CTNND1: variants seen among roughly 807,000 people sequenced by gnomAD.
CTNND1 encodes the protein catenin delta-1.
A neutral mutation model predicts 112.1 loss-of-function variants in CTNND1; 16 were observed. That is an observed-to-expected ratio of 0.14 (90% confidence interval 0.10 to 0.22). The LOEUF is 0.22. Ranked by LOEUF, CTNND1 falls within the 10% of genes least tolerant of loss-of-function variation. CTNND1 has a pLI of 1.00. For missense variants in CTNND1, 1,008 were observed against 1,257.0 expected, an observed-to-expected ratio of 0.80 and a Z score of 3.00; for synonymous variants, 420 against 446.5, an observed-to-expected ratio of 0.94 and a Z score of 0.75.
intron 2 of CTNND1, among the ~76,000 whole-genome samples, 175 bp downstream of exon 2, chr11:57,789,330 C>T (rs2060447672): frequency 6.6e-6 from 1 of 152,098 alleles, no homozygotes; most frequent in African/African-American, 2.4e-5. Context: ...TGTCTTTCAA[C>T]ATTGTATATT....
intron 12 of CTNND1, among the ~76,000 whole-genome samples, 158 bp downstream of exon 12, chr11:57,807,141 T>C (rs557031881): frequency 1.3e-5 from 2 of 152,322 alleles, no homozygotes; most frequent in East Asian, 3.9e-4. Context: ...AGCTGCATAG[T>C]ATTATAGCAG....
Position 57,785,390 on chromosome 11 carries a change from A to G in CTNND1, c.-213-3647A>G, listed in dbSNP as rs1175004447. 3.9e-5 allele frequency among the ~76,000 whole-genome samples: 6 copies of G among 152,250 alleles called. 1 individual carries two copies. The highest frequency in any genetic ancestry group is 8.8e-5 in the Non-Finnish European group (6 of 68,048). On this transcript the variant is annotated intron_variant, in intron 1 of 20. Transcript: ENST00000399050. The stretch of plus-strand genomic sequence containing the variant: ...AGTGGTTGATACTTTGCCCAAAGTC[A>G]TATAGCTAATAAGGATAGATCTTAT...
rs758621939 is a variant in CTNND1 at position 57,816,237 on chromosome 11, G to T, written c.2896-60G>T. On this transcript the variant is annotated intron_variant, in intron 20 of 20. Coordinates refer to ENST00000399050, the MANE Select transcript of CTNND1 (RefSeq NM_001085458.2). ...TCTCCAGATTTGCTCAACTTTTTTG[G>T]GGGGGGTCTCCTTAATCCCAACCCC... The T allele has an allele frequency of 6.9e-6, 11 of 1,599,006 alleles. No homozygotes were observed. In the East Asian group the frequency reaches 1.1e-4, roughly 16 times the overall value.
At chr11:57,770,230 T>C (rs1952219057) in intron 1 of CTNND1, among the ~76,000 whole-genome samples, 1 of 151,770 alleles carries the variant, frequency 6.6e-6, no homozygotes, top group African/African-American at 2.4e-5. Context: ...CTCGGGAAGC[T>C]GAGGCAGGAG....
At chr11:57,803,947 TC>T (rs1179255350) in intron 8 of CTNND1, 143 bp downstream of exon 8, 5 of 584,084 alleles carry the variant, frequency 8.6e-6, no homozygotes. Context: ...CTCCAACCTT[TC>T]TATCTTTGTT....
chr11:57,763,601 G>A (rs1398448112), intron 1 of CTNND1, among the ~76,000 whole-genome samples: 1 of 152,146 alleles, frequency 6.6e-6, no homozygotes, highest in African/African-American at 2.4e-5. Context: ...ATTATAACAA[G>A]TACAGTTAAA....
At chr11:57,807,115 T>A in intron 12 of CTNND1, 132 bp downstream of exon 12, 1 of 776,070 alleles carries the variant, frequency 1.3e-6, no homozygotes. Context: ...TTGAAATGAT[T>A]GTGAAAGTAT....
At position 57,817,358 on chromosome 11, in the gene CTNND1, G is replaced by GC. The variant is rs1451203196; in HGVS notation, c.*1054dup. On this transcript the variant is annotated 3_prime_UTR_variant, in exon 21 of 21. Transcript: ENST00000399050. ...CCTTTTCCCTTACAAGGTGGGGATT[G>GC]CCCCTGGCTTTGCCTCTTCTTTGTG... is the stretch of plus-strand genomic sequence containing the variant. The GC allele has an allele frequency of 8.5e-5, 13 of 152,734 alleles. No individual in the cohort carries two copies. Among genetic ancestry groups the GC allele is most frequent in the African/African-American group, 2.7e-4 (11 of 41,432 alleles). 9.5% of individuals were successfully genotyped at this position (152,734 alleles called of 1,614,324 possible).
chr11:57,806,178 G>A (rs971158956), intron 10 of CTNND1, 143 bp downstream of exon 10: 14 of 1,172,644 alleles, frequency 1.2e-5, no homozygotes, highest in Non-Finnish European at 1.5e-5. Flanking sequence ...CTTTCCCTGT[G>A]TTGTGTGCTT....
intron 1 of CTNND1, among the ~76,000 whole-genome samples, chr11:57,770,660 TA>T (rs2136041854): frequency 6.7e-6 from 1 of 150,024 alleles, no homozygotes; most frequent in Admixed American, 6.6e-5. Flanking sequence ...TCAAAAAAAA[TA>T]AAAAAATAAA....
At chr11:57,793,453 TA>T (rs1339109566) in intron 3 of CTNND1, among the ~76,000 whole-genome samples, 1 of 152,194 alleles carries the variant, frequency 6.6e-6, no homozygotes, top group African/African-American at 2.4e-5. Flanking sequence ...TTTCTTTAAT[TA>T]AATTTCTGTT....
intron 1 of CTNND1, among the ~76,000 whole-genome samples, chr11:57,783,101 C>T (rs1303649997): frequency 1.3e-5 from 2 of 151,970 alleles, no homozygotes; most frequent in South Asian, 2.1e-4. Flanking sequence ...GCCTGGCCAA[C>T]GTGGTGAAAC....
At chr11:57,795,777 T>A in intron 5 of CTNND1, 48 bp downstream of exon 5, 2 of 1,506,782 alleles carry the variant, frequency 1.3e-6, no homozygotes, top group Non-Finnish European at 8.8e-7. Context: ...AGGTCTTTTC[T>A]TCTCTATTAG....
chr11:57,802,323 C>A, intron 7 of CTNND1, 127 bp downstream of exon 7: 1 of 799,414 alleles, frequency 1.3e-6, no homozygotes, highest in Non-Finnish European at 2.0e-6. Context: ...GGGTCAAATC[C>A]ATCTCACAGA....
At chr11:57,772,203 A>T (rs575409698) in intron 1 of CTNND1, among the ~76,000 whole-genome samples, 22 of 149,462 alleles carry the variant, frequency 1.5e-4, no homozygotes, top group African/African-American at 4.9e-4. Context: ...AAGTGCTGGG[A>T]TTACAGGTGT....
In CTNND1 at chr11:57,808,442, T is replaced by C. The variant is rs2062965668; in HGVS notation, c.2144T>C (p.Ile715Thr). The change falls in exon 14 of 21, where the codon ATA (isoleucine) becomes ACA (threonine). Residue 715 changes from isoleucine to threonine, a missense_variant. Physicochemically the swap from Ile to Thr is moderately conservative, Grantham distance 89. This residue lies in a region of CTNND1 where 254 missense variants were observed against 279.5 expected (regional missense o/e 0.91). Transcript: ENST00000399050. ...ALRQEKALSAIADLLTNEHER... is the reference protein window; with the variant it reads ...ALRQEKALSATADLLTNEHER... ...CGTCAAGAGAAGGCTCTTTCTGCCA[T>C]AGCTGACCTCCTGACTAATGAACAT... The C allele has an allele frequency of 1.2e-6, 2 of 1,613,050 alleles. No individual in the cohort carries two copies. Among genetic ancestry groups the C allele is most frequent in the South Asian group, 2.2e-5 (2 of 90,954 alleles).
chr11:57,775,770 G>A (rs886817703), intron 1 of CTNND1, among the ~76,000 whole-genome samples: 3 of 152,096 alleles, frequency 2.0e-5, no homozygotes, highest in African/African-American at 4.8e-5. Flanking sequence ...GTTAGTAATC[G>A]TGTTACCACT....
chr11:57,808,682 T>A (rs2062989993), intron 14 of CTNND1, 142 bp downstream of exon 14: 1 of 741,164 alleles, frequency 1.3e-6, no homozygotes, highest in Non-Finnish European at 2.0e-6. Context: ...ATGCGAGAGT[T>A]GGTAAGGGTT....
Position 57,817,819 on chromosome 11 carries a change from C to T in CTNND1, c.*1511C>T, listed in dbSNP as rs1006122254. ...AATTAGCAGGTTGGGCTAGAGAAAT[C>T]AGCTGCTATGCGGGTTGATTATTAT... On this transcript the variant is annotated 3_prime_UTR_variant, in exon 21 of 21. Transcript: ENST00000399050. 1.3e-5 allele frequency: 2 copies of T among 152,552 alleles called. No homozygotes were observed. The highest frequency in any genetic ancestry group is 2.9e-5 in the Non-Finnish European group (2 of 68,032). 9.4% of individuals were successfully genotyped at this position (152,552 alleles called of 1,614,324 possible).
Sources: allele counts gnomAD v4.1 joint callset (sites outside exome capture counted in the v4.1 genomes callset), GRCh38; gene constraint gnomAD v4.1.1; regional missense constraint gnomAD v4.1.1; transcripts MANE v1.5; gene names NCBI Gene and HGNC (gene_info 2026-07-23, HGNC 2026-07-21).